The following SEPTIN14 variants were observed in gnomAD, a reference collection of about 807,000 sequenced individuals.
SEPTIN14 encodes septin-14.
Under a neutral mutation model 53.6 loss-of-function variants are expected in SEPTIN14, and 40 were observed. The ratio of observed to expected loss-of-function variants is 0.75; its 90% CI spans 0.58 to 0.97. The LOEUF (loss-of-function observed/expected upper bound fraction) is 0.97, where lower values mean the gene tolerates loss of function less well. Ranked by LOEUF, SEPTIN14 falls within the 50% of genes least tolerant of loss-of-function variation. The pLI is 0.00. For synonymous variants in SEPTIN14, 138 were observed against 166.8 expected (o/e 0.83, Z 1.33); for missense variants, 471 against 508.2 (o/e 0.93, Z 0.70).
chr7:55,827,669 C>T (rs999701199), intron 6 of SEPTIN14, among the ~76,000 whole-genome samples: 3 of 152,202 alleles, frequency 2.0e-5, no homozygotes, highest in African/African-American at 7.2e-5. Context: ...CCCCTCTGGG[C>T]TGAACAGGCA....
intron 6 of SEPTIN14, among the ~76,000 whole-genome samples, chr7:55,819,430 A>G (rs1244305061): frequency 6.6e-6 from 1 of 152,092 alleles, no homozygotes; most frequent in Non-Finnish European, 1.5e-5. Context: ...TCTACTAAAT[A>G]TACAAAAAAT....
chr7:55,805,147 A>T, intron 9 of SEPTIN14, 111 bp downstream of exon 9: 1 of 989,094 alleles, frequency 1.0e-6, no homozygotes, highest in African/African-American at 1.7e-5. Context: ...TACTTTTTGA[A>T]AAATAGCAAG....
intron 7 of SEPTIN14, among the ~76,000 whole-genome samples, chr7:55,816,311 CA>C (rs1562709069): frequency 6.6e-6 from 1 of 151,652 alleles, no homozygotes. Context: ...CTACAGTCAA[CA>C]ATAATTTATT....
intron 7 of SEPTIN14, among the ~76,000 whole-genome samples, chr7:55,816,681 C>T (rs1788797726): frequency 6.6e-6 from 1 of 151,898 alleles, no homozygotes; most frequent in Admixed American, 6.6e-5. Context: ...GTGGCGCATG[C>T]CTGTAATCCC....
intron 6 of SEPTIN14, among the ~76,000 whole-genome samples, chr7:55,827,127 A>C (rs546076025): frequency 6.6e-6 from 1 of 152,346 alleles, no homozygotes; most frequent in East Asian, 1.9e-4. Flanking sequence ...GAGAATCAAG[A>C]AAATGGCTAG....
intron 7 of SEPTIN14, among the ~76,000 whole-genome samples, chr7:55,811,747 C>T (rs1167396514): frequency 1.3e-5 from 2 of 151,636 alleles, no homozygotes; most frequent in East Asian, 1.9e-4. Flanking sequence ...GATCTGCCCA[C>T]CTCAGCCTCC....
In SEPTIN14 at chr7:55,843,042, T is replaced by C; in HGVS notation, c.458A>G (p.Tyr153Cys). ...ACACACGTGGACGCGAGAATCATGG[T>C]ACTCAAACAAGGAACGTTTAATCTT... ...ELKIKRSLFE[Y>C]HDSRVHVCLY... The change falls in exon 5 of 10, where the codon TAC becomes TGC. Residue 153 changes from tyrosine to cysteine, a missense_variant. Physicochemically the swap from Tyr to Cys is radical, Grantham distance 194. Transcript: ENST00000388975. The C allele has an allele frequency of 6.2e-7, 1 of 1,603,498 alleles. No homozygotes were observed. The highest frequency in any genetic ancestry group is 8.5e-7 in the Non-Finnish European group (1 of 1,174,494).
chr7:55,817,361 T>C (rs1006906098), intron 7 of SEPTIN14, among the ~76,000 whole-genome samples: 2 of 151,964 alleles, frequency 1.3e-5, no homozygotes, highest in Non-Finnish European at 2.9e-5. Flanking sequence ...AGAGGGTATG[T>C]AGGAGAGATG....
At chr7:55,818,090 C>T (rs189231882) in intron 7 of SEPTIN14, among the ~76,000 whole-genome samples, 7 of 152,184 alleles carry the variant, frequency 4.6e-5, no homozygotes, top group Admixed American at 3.3e-4. Context: ...CATATACTAA[C>T]ATGTAATACA....
chr7:55,805,224 T>G, intron 9 of SEPTIN14, 34 bp downstream of exon 9: 1 of 1,580,596 alleles, frequency 6.3e-7, no homozygotes, highest in African/African-American at 1.4e-5. Flanking sequence ...CACCTAAAAA[T>G]TAATACAAAT....
chr7:55,845,661 A>T (rs1207540730), intron 3 of SEPTIN14, among the ~76,000 whole-genome samples: 1 of 152,192 alleles, frequency 6.6e-6, no homozygotes, highest in East Asian at 1.9e-4. Flanking sequence ...GTATCCATAC[A>T]TGTAAATAAC....
At chr7:55,849,717 G>A (rs1789487021) in intron 2 of SEPTIN14, among the ~76,000 whole-genome samples, 1 of 152,144 alleles carries the variant, frequency 6.6e-6, no homozygotes, top group African/African-American at 2.4e-5. Flanking sequence ...CTGCACTCCA[G>A]CCTGGGCAAC....
At chr7:55,834,386 A>G in intron 6 of SEPTIN14, 39 bp downstream of exon 6, 4 of 1,511,642 alleles carry the variant, frequency 2.6e-6, no homozygotes, top group South Asian at 1.3e-5. Flanking sequence ...ATAAACACTC[A>G]TTTCTAGCCT....
chr7:55,816,785 C>G (rs1279725539), intron 7 of SEPTIN14, among the ~76,000 whole-genome samples: 1 of 151,862 alleles, frequency 6.6e-6, no homozygotes, highest in South Asian at 2.1e-4. Flanking sequence ...GCAACAAGAG[C>G]TAAACTCCAT....
At chr7:55,796,480 C>A (rs1788434330) in intron 9 of SEPTIN14, among the ~76,000 whole-genome samples, 1 of 151,848 alleles carries the variant, frequency 6.6e-6, no homozygotes, top group Non-Finnish European at 1.5e-5. Flanking sequence ...CCAGGCTGGT[C>A]TTGAACTCCT....
intron 3 of SEPTIN14, among the ~76,000 whole-genome samples, chr7:55,845,103 G>GTTATTCCCCTT (rs1789379763): frequency 6.6e-6 from 1 of 152,044 alleles, no homozygotes; most frequent in South Asian, 2.1e-4. Context: ...ACCAGTGTCT[G>GTTATTCCCCTT]TTATTCCCCT....
rs1327868571 is a variant in SEPTIN14, at chr7:55,807,098, C to A, written c.978G>T (p.Gln326His). 6.3e-7 allele frequency: 1 copy of A among 1,588,536 alleles called. No homozygotes were observed. The highest frequency in any genetic ancestry group is 8.5e-7 in the Non-Finnish European group (1 of 1,172,522). Residue 326 changes from glutamine (Q) to histidine (H), a missense_variant, in exon 8 of 10, where the codon CAG becomes CAT. Gln to His is a conservative substitution (Grantham distance 24). Transcript: ENST00000388975. ...GCAATATTTTTACTCACCTAACTGG[C>A]TGGTTGTTTGGACCCACATCTGTAA... ...MGFTDVGPNN[Q>H]PVSFQEIFEA...
At chr7:55,845,394 T>A (rs1255068001) in intron 3 of SEPTIN14, among the ~76,000 whole-genome samples, 1 of 152,200 alleles carries the variant, frequency 6.6e-6, no homozygotes, top group South Asian at 2.1e-4. Flanking sequence ...AATGAGATCA[T>A]GTCCTTTGCA....
chr7:55,856,683 G>A (rs191261391), intron 2 of SEPTIN14, among the ~76,000 whole-genome samples: 142 of 152,062 alleles, frequency 9.3e-4, no homozygotes, highest in East Asian at 3.1e-3. Context: ...ATGAGCCACC[G>A]CGCTTGGCCA....
Sources: gnomAD v4.1 joint callset for allele counts (sites outside exome capture counted in the v4.1 genomes callset) on GRCh38, gnomAD v4.1.1 for gene constraint, MANE v1.5 for transcripts, NCBI Gene and HGNC (gene_info 2026-07-23, HGNC 2026-07-21) for gene names.